The following GRK6 variants were observed in gnomAD, a reference collection of about 807,000 sequenced individuals.
GRK6 encodes G protein-coupled receptor kinase 6.
GRK6 carries 37 observed loss-of-function variants against 80.8 expected under a neutral mutation model. The observed-to-expected ratio is 0.46, with a 90% CI of 0.35 to 0.60. The LOEUF is 0.60. Among genes scored for constraint, GRK6 ranks in the 20% least tolerant of loss-of-function variants. The pLI is 0.00. For synonymous variants in GRK6, 295 were observed against 320.9 expected (o/e 0.92, Z 0.86); for missense variants, 560 against 784.6 (o/e 0.71, Z 3.42).
In GRK6 at chr5:177,428,845, T is replaced by C. The variant is rs1198247276; in HGVS notation, c.52+1948T>C. Among the ~76,000 whole-genome samples, 1 of 152,136 alleles carries C rather than the reference T, an allele frequency of 6.6e-6. No homozygotes were observed. Among genetic ancestry groups the C allele is most frequent in the African/African-American group, 2.4e-5 (1 of 41,416 alleles). ...TCACTGAGTCCTGAGCCCAGGCGCC[T>C]GGACGGGCTGCATCAGAACCACCTC... On this transcript the variant is annotated intron_variant, in intron 1 of 15. Transcript: ENST00000355472. This position sits in a 1 kb window ranked among gnomAD's most constrained non-coding sequence, Gnocchi z 4.1.
intron 13 of GRK6, among the ~76,000 whole-genome samples, chr5:177,438,165 C>A (rs993004979): frequency 6.6e-6 from 1 of 151,984 alleles, no homozygotes; most frequent in African/African-American, 2.4e-5. Flanking sequence ...GTTGGGAGTT[C>A]GAAGACCAGC....
rs946040931 is a variant in GRK6 at position 177,436,491 on chromosome 5, G to T, written c.1365G>T (p.Arg455=). 4.4e-6 allele frequency: 7 copies of T among 1,609,062 alleles called. No homozygotes were observed. Among genetic ancestry groups the T allele is most frequent in the Non-Finnish European group, 5.9e-6 (7 of 1,177,724 alleles). ...TCTTTAAGAAGCTGAACTTCAAGCG[G>T]CTGGGAGCTGGCATGCTGGAGCCGC... ...HPLFKKLNFK[R]LGAGMLEPPF... Residue 455 remains arginine (R), a synonymous_variant, in exon 13 of 16, where the codon CGG becomes CGT. Coordinates refer to ENST00000355472, the MANE Select transcript of GRK6 (RefSeq NM_001004106.3).
chr5:177,433,524 G>C lies in GRK6; in HGVS notation c.598-12G>C, dbSNP rs533713580. On this transcript the variant is annotated splice_polypyrimidine_tract_variant and intron_variant, in intron 7 of 15. Transcript: ENST00000355472. ...AGCTGGCCCCCATTCGCCCCTGTCTGTCTGGCCACAGGTGTGCGCCTGCCA... is the reference window on the plus strand; with the variant it reads ...AGCTGGCCCCCATTCGCCCCTGTCTCTCTGGCCACAGGTGTGCGCCTGCCA... 3.8e-5 allele frequency: 61 copies of C among 1,613,942 alleles called. No homozygotes were observed. The highest frequency in any genetic ancestry group is 1.6e-4 in the South Asian group (15 of 91,086).
intron 9 of GRK6, 149 bp from the exon 10 acceptor site, chr5:177,434,753 G>T: frequency 1.3e-6 from 1 of 792,802 alleles, no homozygotes; most frequent in South Asian, 1.6e-5. Context: ...TTGCCAGGGA[G>T]AGCAGGGCTG....
At chr5:177,438,029 C>T (rs899734309) in intron 13 of GRK6, among the ~76,000 whole-genome samples, 2 of 152,154 alleles carry the variant, frequency 1.3e-5, no homozygotes, top group African/African-American at 2.4e-5. Flanking sequence ...CAAACAAACC[C>T]GTAAGCCAGA....
At chr5:177,434,415 A>G (rs1243965493) in intron 9 of GRK6, among the ~76,000 whole-genome samples, 1 of 152,058 alleles carries the variant, frequency 6.6e-6, no homozygotes, top group Middle Eastern at 3.2e-3. Context: ...TATAATTCCT[A>G]CTTCCCAGGT....
intron 11 of GRK6, 132 bp from the exon 12 acceptor site, chr5:177,435,941 C>G: frequency 1.4e-6 from 1 of 725,708 alleles, no homozygotes; most frequent in Non-Finnish European, 2.3e-6. Flanking sequence ...CCTGTGCTCT[C>G]CTACTGGCCA....
rs551269265 is a variant in GRK6, at chr5:177,426,785, G to T, written c.-61G>T. The T allele has an allele frequency of 2.0e-6, 2 of 976,344 alleles. No individual in the cohort carries two copies. Among genetic ancestry groups the T allele is most frequent in the South Asian group, 9.4e-5 (2 of 21,194 alleles). 60.5% of individuals were successfully genotyped at this position (976,344 alleles called of 1,614,324 possible). On this transcript the variant is annotated 5_prime_UTR_variant, in exon 1 of 16. Transcript: ENST00000355472. ...GCCGCGCCGATCGCCATCCGGCCTC[G>T]GCACTCGCGCGCGATCCCGGCCGGC...
At chr5:177,436,002 T>C (rs979957495) in intron 11 of GRK6, 71 bp from the exon 12 acceptor site, 23 of 1,343,770 alleles carry the variant, frequency 1.7e-5, no homozygotes, top group East Asian at 2.4e-5. Context: ...TAACGTGCAC[T>C]GGCGTTCCTG....
chr5:177,426,350 C>T (rs1028333036), upstream of GRK6: 2 of 152,290 alleles, frequency 1.3e-5, no homozygotes, highest in Non-Finnish European at 2.9e-5. Context: ...ACATATTCGG[C>T]CTCCTGGGCG....
Position 177,432,253 on chromosome 5 carries a change from G to A in GRK6, c.282G>A (p.Pro94=), listed in dbSNP as rs56084010. The A allele has an allele frequency of 1.7e-5, 27 of 1,613,506 alleles. No homozygotes were observed. The highest frequency in any genetic ancestry group is 6.7e-5 in the African/African-American group (5 of 74,902). The change falls in exon 4 of 16, where the codon CCG becomes CCA. Residue 94 remains proline, a synonymous_variant. Transcript: ENST00000355472. ...TGCAGGCCGAGTATGAAGTGACCCC[G>A]GATGACAAGCGGAAGGCATGTGGGC... The part of the protein sequence containing the change: ...LDGVAEYEVT[P]DDKRKACGRQ...
At chr5:177,440,619 C>T in intron 13 of GRK6, 81 bp from the exon 14 acceptor site, 7 of 1,553,702 alleles carry the variant, frequency 4.5e-6, no homozygotes, top group Non-Finnish European at 6.2e-6. Context: ...TAGGCCAAGA[C>T]CCGAGGCAGA....
intron 13 of GRK6, among the ~76,000 whole-genome samples, chr5:177,439,508 C>T (rs1336751211): frequency 6.6e-6 from 1 of 151,054 alleles, no homozygotes; most frequent in Non-Finnish European, 1.5e-5. Flanking sequence ...CCATTGCACT[C>T]CAGGCTGGGC....
Position 177,441,719 on chromosome 5 carries a change from T to TCTTC in GRK6, c.1678-16_1678-13dup. ...CTCTGCCTCTCTCCCTCCCTCCGTGTCTTCCCCGTCCCTCCAGGATTGCTG... is the reference window on the plus strand; with the variant it reads ...CTCTGCCTCTCTCCCTCCCTCCGTGTCTTCCTTCCCCGTCCCTCCAGGATTGCTG... On this transcript the variant is annotated splice_polypyrimidine_tract_variant and intron_variant, in intron 15 of 15. Coordinates refer to ENST00000355472, the MANE Select transcript of GRK6 (RefSeq NM_001004106.3). 1 of 1,601,088 alleles carries TCTTC rather than the reference T, an allele frequency of 6.2e-7. No homozygotes were observed. The highest frequency in any genetic ancestry group is 8.6e-7 in the Non-Finnish European group (1 of 1,168,876).
At chr5:177,427,250 G>A (rs558375461) in intron 1 of GRK6, among the ~76,000 whole-genome samples, 1 of 152,322 alleles carries the variant, frequency 6.6e-6, no homozygotes, top group Non-Finnish European at 1.5e-5. Context: ...CACGTGCCAG[G>A]GGCCCAGACC....
At chr5:177,440,111 G>A (rs1764390488) in intron 13 of GRK6, 1 of 153,416 alleles carries the variant, frequency 6.5e-6, no homozygotes, top group African/African-American at 2.4e-5. Context: ...CAAAGCAGCT[G>A]TACCATTTTA....
At chr5:177,437,700 C>A (rs921122029) in intron 13 of GRK6, among the ~76,000 whole-genome samples, 1 of 152,100 alleles carries the variant, frequency 6.6e-6, no homozygotes, top group African/African-American at 2.4e-5. Flanking sequence ...TCTTGCCTGG[C>A]CTTCAACCTG....
rs1410686387 is a variant in GRK6 at position 177,428,034 on chromosome 5, C to T, written c.52+1137C>T. On this transcript the variant is annotated intron_variant, in intron 1 of 15. Coordinates refer to ENST00000355472, the MANE Select transcript of GRK6 (RefSeq NM_001004106.3). The surrounding 1 kb of genome is among the most constrained non-coding windows in gnomAD (Gnocchi z 4.1). ...TTCAGCTGGGTGCTACACCTGGCACCCCGTGCCCACCAAGTGCTCTGGCGA... is the reference window on the plus strand; with the variant it reads ...TTCAGCTGGGTGCTACACCTGGCACTCCGTGCCCACCAAGTGCTCTGGCGA... Among the ~76,000 whole-genome samples the T allele has an allele frequency of 6.6e-6, 1 of 152,232 alleles. No individual in the cohort carries two copies.
chr5:177,438,138 C>T (rs1470876471), intron 13 of GRK6, among the ~76,000 whole-genome samples: 1 of 152,174 alleles, frequency 6.6e-6, no homozygotes, highest in Non-Finnish European at 1.5e-5. Context: ...GAGGCTGAGG[C>T]AGGCGGATCA....
Sources: allele counts gnomAD v4.1 joint callset (sites outside exome capture counted in the v4.1 genomes callset), GRCh38; gene constraint gnomAD v4.1.1; non-coding constraint Gnocchi (gnomAD v3.1); transcripts MANE v1.5; gene names NCBI Gene and HGNC (gene_info 2026-07-23, HGNC 2026-07-21).